FBXO40: variants seen among roughly 807,000 people sequenced by gnomAD.
FBXO40 encodes F-box protein 40.
In FBXO40, 50 loss-of-function variants were observed where a neutral mutation model predicts 49.9. The observed-to-expected ratio is 1.00, with a 90% CI of 0.80 to 1.27. The LOEUF is 1.27. Ranked by LOEUF, FBXO40 falls within the 50% of genes most tolerant of loss-of-function variation. FBXO40 has a pLI of 0.00. For synonymous variants in FBXO40, 340 were observed against 320.2 expected (o/e 1.06, Z -0.66); for missense variants, 895 against 870.1 (o/e 1.03, Z -0.36).
Position 121,623,154 on chromosome 3 carries a change from C to T in FBXO40, c.1725C>T (p.Ser575=). 6.2e-7 allele frequency: 1 copy of T among 1,614,210 alleles called. No homozygotes were observed. Residue 575 remains serine, a synonymous_variant, in exon 3 of 4, where the codon AGC becomes AGT. Transcript: ENST00000338040. The part of the protein sequence containing the change: ...HGGKSQNSLT[S]LPLEILKYIA... ...GAAAAAGCCAGAATTCTTTAACCAG[C>T]CTGCCCCTGGAGATTTTGAAGTACA...
rs145445640 is a variant in FBXO40 at position 121,619,788 on chromosome 3, C to T, written c.-30-758C>T. On this transcript the variant is annotated intron_variant, in intron 1 of 3. Transcript: ENST00000338040. Reference sequence around the variant, plus strand: ...TCTCACAGCCACTGACTTGTAGCTCCAGGGTGGAAACCTGTGCAGTCTGCC... The same window carrying T: ...TCTCACAGCCACTGACTTGTAGCTCTAGGGTGGAAACCTGTGCAGTCTGCC... 1.1e-4 allele frequency among the ~76,000 whole-genome samples: 16 copies of T among 152,320 alleles called. No individual in the cohort carries two copies. The East Asian group carries it at 3.1e-3, about 29-fold the overall frequency.
chr3:121,610,285 C>T (rs1436874687), intron 1 of FBXO40, among the ~76,000 whole-genome samples: 1 of 152,142 alleles, frequency 6.6e-6, no homozygotes, highest in East Asian at 1.9e-4. Context: ...ACTTTCTCTG[C>T]CTCCTCTGCC....
At chr3:121,620,651 A>G (rs946171074) in intron 2 of FBXO40, 73 bp downstream of exon 2, 2 of 1,574,048 alleles carry the variant, frequency 1.3e-6, no homozygotes, top group African/African-American at 2.7e-5. Context: ...CTGTAGCCCA[A>G]GCAGCTAGCA....
Position 121,623,303 on chromosome 3 carries a change from G to A in FBXO40, c.1874G>A (p.Arg625Lys), listed in dbSNP as rs2049044700. The A allele has an allele frequency of 6.2e-7, 1 of 1,614,186 alleles. No individual in the cohort carries two copies. The highest frequency in any genetic ancestry group is 8.5e-7 in the Non-Finnish European group (1 of 1,180,036). The change falls in exon 3 of 4, where the codon AGG becomes AAG. Residue 625 changes from arginine to lysine, a missense_variant. Physicochemically the swap from Arg to Lys is conservative, Grantham distance 26 (BLOSUM62 2). Coordinates refer to ENST00000338040, the MANE Select transcript of FBXO40 (RefSeq NM_016298.4). ...GMVLLQWKKK[R>K]YSHGGTSWRV... ...GTCCTTTTGCAATGGAAGAAAAAGA[G>A]GTATTCCCATGGAGGCACCTCCTGG...
At chr3:121,604,296 G>A (rs984654951) in intron 1 of FBXO40, among the ~76,000 whole-genome samples, 1 of 152,100 alleles carries the variant, frequency 6.6e-6, no homozygotes, top group African/African-American at 2.4e-5. Context: ...CTCATAAGTT[G>A]ATATCCTAAA....
chr3:121,614,096 C>T (rs1257071369), intron 1 of FBXO40, among the ~76,000 whole-genome samples: 1 of 151,954 alleles, frequency 6.6e-6, no homozygotes, highest in Non-Finnish European at 1.5e-5. Context: ...GTGAAACCCT[C>T]TATCTATTAA....
At chr3:121,610,726 G>T (rs372024919) in intron 1 of FBXO40, among the ~76,000 whole-genome samples, 1 of 151,928 alleles carries the variant, frequency 6.6e-6, no homozygotes, top group Non-Finnish European at 1.5e-5. Flanking sequence ...TGCAACCTCC[G>T]CCTCCCAGAT....
At chr3:121,612,704 G>C (rs2048972925) in intron 1 of FBXO40, among the ~76,000 whole-genome samples, 1 of 152,112 alleles carries the variant, frequency 6.6e-6, no homozygotes, top group Non-Finnish European at 1.5e-5. Flanking sequence ...TATAGTGTTA[G>C]GGGCCGCTGT....
intron 1 of FBXO40, among the ~76,000 whole-genome samples, chr3:121,613,471 C>T (rs980644945): frequency 1.3e-5 from 2 of 152,094 alleles, no homozygotes; most frequent in African/African-American, 4.8e-5. Flanking sequence ...TATTTCAGGG[C>T]AAAAATGACA....
At chr3:121,600,398 T>C (rs1325622072) in intron 1 of FBXO40, among the ~76,000 whole-genome samples, 1 of 152,116 alleles carries the variant, frequency 6.6e-6, no homozygotes, top group Non-Finnish European at 1.5e-5. Context: ...TCCTCTGAAA[T>C]GCAAAGCCAT....
chr3:121,626,553 C>T, intron 3 of FBXO40, 142 bp from the exon 4 acceptor site: 1 of 737,106 alleles, frequency 1.4e-6, no homozygotes, highest in Non-Finnish European at 2.3e-6. Context: ...GGAGGGGCTA[C>T]CAAATGTCTG....
intron 1 of FBXO40, among the ~76,000 whole-genome samples, chr3:121,598,177 G>A (rs1216868908): frequency 6.6e-6 from 1 of 152,170 alleles, no homozygotes; most frequent in East Asian, 1.9e-4. Context: ...CGTAGAAAGA[G>A]CAGGTACACA....
chr3:121,601,651 A>C (rs772573641), intron 1 of FBXO40, among the ~76,000 whole-genome samples: 5 of 152,230 alleles, frequency 3.3e-5, no homozygotes, highest in Non-Finnish European at 5.9e-5. Context: ...ATAGAAGCAC[A>C]CTGAACTAGC....
At position 121,628,607 on chromosome 3, in the gene FBXO40, AG is replaced by A. The variant is rs1394562173; in HGVS notation, c.*1698del. The A allele has an allele frequency of 6.6e-6, 1 of 152,198 alleles. No individual in the cohort carries two copies. Among genetic ancestry groups the A allele is most frequent in the Non-Finnish European group, 1.5e-5 (1 of 68,022 alleles). 9.4% of individuals were successfully genotyped at this position (152,198 alleles called of 1,614,324 possible). On this transcript the variant is annotated 3_prime_UTR_variant, in exon 4 of 4. Coordinates refer to ENST00000338040, the MANE Select transcript of FBXO40 (RefSeq NM_016298.4). Reference sequence around the variant, plus strand: ...CACCAGACATTGCTAAATATTGGGGAGCAAAATGGCTCCCCGTTGAAAATCC... The same window carrying A: ...CACCAGACATTGCTAAATATTGGGGACAAAATGGCTCCCCGTTGAAAATCC...
chr3:121,604,959 T>TTTATTTATTTA (rs1350668053), intron 1 of FBXO40, among the ~76,000 whole-genome samples: 5 of 148,182 alleles, frequency 3.4e-5, no homozygotes, highest in Non-Finnish European at 5.9e-5. Flanking sequence ...TATTTATTTA[T>TTTATTTATTTA]TTATTTATTT....
At chr3:121,601,820 C>A (rs2048902620) in intron 1 of FBXO40, among the ~76,000 whole-genome samples, 2 of 152,330 alleles carry the variant, frequency 1.3e-5, no homozygotes, top group South Asian at 2.1e-4. Flanking sequence ...CAGCAGGGGA[C>A]TCTGAATTAT....
At chr3:121,604,127 G>A (rs868642451) in intron 1 of FBXO40, among the ~76,000 whole-genome samples, 1 of 152,174 alleles carries the variant, frequency 6.6e-6, no homozygotes, top group Non-Finnish European at 1.5e-5. Flanking sequence ...GAAGGGCAGA[G>A]GTCAGTCTTC....
intron 1 of FBXO40, among the ~76,000 whole-genome samples, chr3:121,617,175 A>G (rs1031173569): frequency 3.9e-5 from 6 of 152,262 alleles, no homozygotes; most frequent in Admixed American, 6.5e-5. Flanking sequence ...AACGTTCCCA[A>G]CACACAGAAA....
rs765631213 is a variant in FBXO40 at position 121,623,217 on chromosome 3, C to T, written c.1788C>T (p.Leu596=). ...TGGACAGCGTCAGCCTGGCCCAGCT[C>T]TCCCAGGTGTCTGTGCTGATGAGGA... The part of the protein sequence containing the change: ...GFLDSVSLAQ[L]SQVSVLMRNI... The change falls in exon 3 of 4, where the codon CTC becomes CTT. Residue 596 remains leucine, a synonymous_variant. Coordinates refer to ENST00000338040, the MANE Select transcript of FBXO40 (RefSeq NM_016298.4). 1.9e-6 allele frequency: 3 copies of T among 1,614,202 alleles called. No individual in the cohort carries two copies. Among genetic ancestry groups the T allele is most frequent in the Non-Finnish European group, 2.5e-6 (3 of 1,180,038 alleles).
Sources: allele counts gnomAD v4.1 joint callset (sites outside exome capture counted in the v4.1 genomes callset), GRCh38; gene constraint gnomAD v4.1.1; transcripts MANE v1.5; gene names NCBI Gene and HGNC (gene_info 2026-07-23, HGNC 2026-07-21).